Variants in RANBP2 observed in about 807,000 individuals in gnomAD.
The protein encoded by RANBP2 is E3 SUMO-protein ligase RanBP2.
In RANBP2, 57 loss-of-function variants were observed where a neutral mutation model predicts 303.6. That is an observed-to-expected ratio of 0.19 (90% CI 0.15 to 0.23). The LOEUF (loss-of-function observed/expected upper bound fraction) is 0.23, where lower values mean the gene tolerates loss of function less well. Ranked by LOEUF, RANBP2 falls within the 10% of genes least tolerant of loss-of-function variation. The pLI is 1.00. For missense variants in RANBP2, 3,138 were observed against 3,780.8 expected (o/e 0.83, Z 4.46); for synonymous variants, 1,167 against 1,301.5 (o/e 0.90, Z 2.23).
At chr2:108,779,948 AT>A (rs1299655370) in intron 25 of RANBP2, among the ~76,000 whole-genome samples, 1 of 152,164 alleles carries the variant, frequency 6.6e-6, no homozygotes, top group Non-Finnish European at 1.5e-5. Flanking sequence ...ATTGTGGCTA[AT>A]TTGGAAGTAG....
the RANBP2 span, among the ~76,000 whole-genome samples, chr2:108,809,603 A>C: frequency 6.6e-6 from 1 of 151,988 alleles, no homozygotes; most frequent in Non-Finnish European, 1.5e-5. Flanking sequence ...TGTAAACAGG[A>C]TAGATTTCTT....
the RANBP2 span, among the ~76,000 whole-genome samples, chr2:109,358,195 G>A: frequency 1.3e-5 from 2 of 152,130 alleles, no homozygotes; most frequent in African/African-American, 4.8e-5. Flanking sequence ...TTGCATTTAA[G>A]GTCCTTCCAT....
chr2:109,006,312 G>A, the RANBP2 span, among the ~76,000 whole-genome samples: 1 of 152,004 alleles, frequency 6.6e-6, no homozygotes, highest in Non-Finnish European at 1.5e-5. Flanking sequence ...TCCTGCCTCA[G>A]CCTCCCAAGT....
At chr2:108,881,530 C>T in the RANBP2 span, among the ~76,000 whole-genome samples, 32 of 152,282 alleles carry the variant, frequency 2.1e-4, no homozygotes, top group Admixed American at 1.8e-3. Flanking sequence ...TTCACAACTT[C>T]GTAGTTTGGC....
chr2:108,735,466 G>A (rs1227229929), intron 4 of RANBP2, 66 bp from the exon 5 acceptor site: 5 of 1,597,138 alleles, frequency 3.1e-6, no homozygotes, highest in Non-Finnish European at 4.2e-6. Context: ...TGCTCTTTGG[G>A]AGCATGACTT....
chr2:108,990,213 T>C, the RANBP2 span, among the ~76,000 whole-genome samples: 2 of 141,796 alleles, frequency 1.4e-5, no homozygotes, highest in Non-Finnish European at 3.1e-5. Flanking sequence ...GGGTGGATCA[T>C]GAGGTCAGGA....
At chr2:109,020,412 A>G in the RANBP2 span, among the ~76,000 whole-genome samples, 1 of 152,254 alleles carries the variant, frequency 6.6e-6, no homozygotes, top group Non-Finnish European at 1.5e-5. Context: ...TTCGGGTTCC[A>G]GTAGAGGAAG....
At chr2:109,200,869 T>C in the RANBP2 span, among the ~76,000 whole-genome samples, 2 of 152,204 alleles carry the variant, frequency 1.3e-5, no homozygotes, top group African/African-American at 4.8e-5. Flanking sequence ...CAGCCTGTCA[T>C]GGGGTTTCCT....
the RANBP2 span, chr2:109,543,842 T>C: frequency 7.4e-6 from 2 of 270,664 alleles, no homozygotes; most frequent in Non-Finnish European, 6.9e-6. Context: ...GGACCAGAAG[T>C]GTTTTGGATT....
the RANBP2 span, among the ~76,000 whole-genome samples, chr2:109,039,396 G>C: frequency 6.6e-6 from 1 of 152,168 alleles, no homozygotes; most frequent in Non-Finnish European, 1.5e-5. Flanking sequence ...TGTCGCCCAG[G>C]CTGGAGTGCA....
the RANBP2 span, among the ~76,000 whole-genome samples, chr2:108,984,298 C>T: frequency 2.0e-5 from 3 of 152,118 alleles, no homozygotes; most frequent in Non-Finnish European, 4.4e-5. Flanking sequence ...CAGCAACCGG[C>T]GTGGCATGGG....
chr2:109,093,406 T>TAAAAAAAAAAAA, the RANBP2 span, among the ~76,000 whole-genome samples: 10 of 90,710 alleles, frequency 1.1e-4, no homozygotes, highest in Admixed American at 1.3e-4. Flanking sequence ...CGGAGATTTG[T>TAAAAAAAAAAAA]AAAAAAAAAA....
the RANBP2 span, among the ~76,000 whole-genome samples, chr2:109,236,692 A>C: frequency 6.6e-6 from 1 of 152,184 alleles, no homozygotes; most frequent in Non-Finnish European, 1.5e-5. Context: ...AAGAAAGGAA[A>C]TCCCAGGTGA....
the RANBP2 span, among the ~76,000 whole-genome samples, chr2:109,088,165 G>A: frequency 4.6e-5 from 7 of 151,910 alleles, no homozygotes; most frequent in Admixed American, 1.3e-4. Flanking sequence ...TTGGGAGGCC[G>A]AGGTGGGCGG....
the RANBP2 span, among the ~76,000 whole-genome samples, chr2:109,603,652 G>A: frequency 6.6e-6 from 1 of 152,108 alleles, no homozygotes; most frequent in African/African-American, 2.4e-5. Flanking sequence ...TAGTACAATT[G>A]GGAGACATAC....
the RANBP2 span, among the ~76,000 whole-genome samples, chr2:109,743,152 T>C: frequency 6.8e-6 from 1 of 147,706 alleles, no homozygotes; most frequent in Non-Finnish European, 1.5e-5. Context: ...GTGCCTGTAG[T>C]CTCAGCTACT....
At chr2:109,118,299 C>A in the RANBP2 span, among the ~76,000 whole-genome samples, 1 of 152,064 alleles carries the variant, frequency 6.6e-6, no homozygotes, top group Non-Finnish European at 1.5e-5. Flanking sequence ...CATATAAATG[C>A]TGCTCCTGTT....
At chr2:109,346,813 T>C in the RANBP2 span, among the ~76,000 whole-genome samples, 2 of 152,236 alleles carry the variant, frequency 1.3e-5, no homozygotes, top group African/African-American at 4.8e-5. Context: ...GGTTAACCTC[T>C]GACGGATACA....
At chr2:109,589,728 T>C in the RANBP2 span, among the ~76,000 whole-genome samples, 1 of 148,218 alleles carries the variant, frequency 6.7e-6, no homozygotes, top group African/African-American at 2.6e-5. Context: ...CACATATTAT[T>C]ATATAGCCAA....
Sources: gnomAD v4.1 joint callset for allele counts (sites outside exome capture counted in the v4.1 genomes callset) on GRCh38, gnomAD v4.1.1 for gene constraint, MANE v1.5 for transcripts, NCBI Gene and HGNC (gene_info 2026-07-23, HGNC 2026-07-21) for gene names.